The following MTMR7 variants were observed in gnomAD, a reference collection of about 807,000 sequenced individuals.
MTMR7 encodes myotubularin related protein 7.
MTMR7 carries 76 observed loss-of-function variants against 81.2 expected under a neutral mutation model. The ratio of observed to expected loss-of-function variants is 0.94; its 90% confidence interval spans 0.78 to 1.13. The LOEUF is 1.13. Among genes scored for constraint, MTMR7 ranks in the 50% most tolerant of loss-of-function variants. MTMR7 has a pLI of 0.00. For missense variants in MTMR7, 1,044 were observed against 820.0 expected (o/e 1.27, Z -3.34); for synonymous variants, 372 against 289.8 (o/e 1.28, Z -2.88).
chr8:17,362,286 T>C (rs534872468), intron 3 of MTMR7, among the ~76,000 whole-genome samples: 4 of 152,242 alleles, frequency 2.6e-5, no homozygotes, highest in South Asian at 4.1e-4. Context: ...AAATTTCACA[T>C]GTATTTGGCA....
At chr8:17,408,181 G>C (rs543544605) in intron 1 of MTMR7, among the ~76,000 whole-genome samples, 736 of 61,958 alleles carry the variant, frequency 0.012, 82 homozygotes, top group African/African-American at 0.022. Flanking sequence ...ACGAGGTCAG[G>C]AGATCGAGAC....
intron 1 of MTMR7, among the ~76,000 whole-genome samples, chr8:17,405,865 CA>C (rs1563383913): frequency 7.2e-5 from 7 of 97,858 alleles, no homozygotes; most frequent in African/African-American, 2.9e-4. Flanking sequence ...CACACACACA[CA>C]CACACACACA....
chr8:17,408,714 A>T (rs1221562499), intron 1 of MTMR7, among the ~76,000 whole-genome samples: 1 of 152,192 alleles, frequency 6.6e-6, no homozygotes, highest in East Asian at 1.9e-4. Context: ...AAAAAGAGTA[A>T]GAGATGAGCA....
chr8:17,356,000 A>G (rs765992630), intron 4 of MTMR7, among the ~76,000 whole-genome samples: 9 of 152,188 alleles, frequency 5.9e-5, no homozygotes, highest in Non-Finnish European at 8.8e-5. Context: ...AGGAACAACA[A>G]TGCTAAACTG....
chr8:17,354,376 G>C (rs535798045), intron 4 of MTMR7, among the ~76,000 whole-genome samples: 1 of 152,116 alleles, frequency 6.6e-6, no homozygotes, highest in East Asian at 1.9e-4. Context: ...AAGAGAGTTA[G>C]ATTAAAACTT....
At chr8:17,379,497 T>C (rs73208993) in intron 1 of MTMR7, among the ~76,000 whole-genome samples, 7,325 of 152,224 alleles carry the variant, frequency 0.048, 250 homozygotes, top group Non-Finnish European at 0.072. Flanking sequence ...TTAGGCCGGA[T>C]TGAGAAATAC....
intron 11 of MTMR7, among the ~76,000 whole-genome samples, chr8:17,305,328 CT>C (rs1244050673): frequency 6.6e-6 from 1 of 152,178 alleles, no homozygotes; most frequent in Admixed American, 6.5e-5. Context: ...AATTTATCTA[CT>C]TTTACCCTTG....
At chr8:17,306,993 T>A (rs1243015276) in intron 10 of MTMR7, among the ~76,000 whole-genome samples, 2 of 152,100 alleles carry the variant, frequency 1.3e-5, no homozygotes, top group African/African-American at 2.4e-5. Context: ...GGACTTCATG[T>A]CTAAAACACC....
intron 1 of MTMR7, among the ~76,000 whole-genome samples, chr8:17,387,527 T>C (rs1019520113): frequency 6.6e-6 from 1 of 152,172 alleles, no homozygotes; most frequent in African/African-American, 2.4e-5. Context: ...AGAAAGACAT[T>C]AAAAATGAAT....
At chr8:17,408,933 T>G (rs970790687) in intron 1 of MTMR7, among the ~76,000 whole-genome samples, 3 of 152,210 alleles carry the variant, frequency 2.0e-5, no homozygotes, top group African/African-American at 7.2e-5. Flanking sequence ...CTAAAACCAC[T>G]GAATTGTGCA....
intron 5 of MTMR7, among the ~76,000 whole-genome samples, chr8:17,342,329 T>A (rs553303847): frequency 1.3e-5 from 2 of 152,328 alleles, no homozygotes; most frequent in African/African-American, 4.8e-5. Flanking sequence ...CCTGAATGAC[T>A]CAAAGCATCT....
intron 3 of MTMR7, among the ~76,000 whole-genome samples, chr8:17,365,266 G>A (rs1820190536): frequency 6.6e-6 from 1 of 151,902 alleles, no homozygotes; most frequent in Admixed American, 6.6e-5. Context: ...CAGAGTACTT[G>A]TTTTTTTTCC....
intron 9 of MTMR7, among the ~76,000 whole-genome samples, chr8:17,310,751 C>T (rs948930730): frequency 1.3e-5 from 2 of 152,134 alleles, no homozygotes; most frequent in African/African-American, 4.8e-5. Flanking sequence ...TAATGGAGAC[C>T]CAGCAGTAAA....
rs146319076 is a variant in MTMR7, at chr8:17,299,970, G to C, written c.1875C>G (p.Ser625=). ...PDLSANSDQE[S]GVEDLSCRSP... The stretch of plus-strand genomic sequence containing the variant: ...ACCGACAGCTCAAATCCTCCACCCC[G>C]GACTCTTGGTCACTGTTGGCTGACA... The change falls in exon 14 of 14, where the codon TCC becomes TCG. Residue 625 remains serine (S), a synonymous_variant. Transcript: ENST00000180173. 1.2e-6 allele frequency: 2 copies of C among 1,614,000 alleles called. No homozygotes were observed. The highest frequency in any genetic ancestry group is 2.7e-5 in the African/African-American group (2 of 74,984).
In MTMR7 at chr8:17,370,959, C is replaced by G; in HGVS notation, c.310+78G>C. 2.8e-6 allele frequency: 4 copies of G among 1,438,476 alleles called. No homozygotes were observed. The South Asian group carries it at 5.1e-5, about 18-fold the overall frequency. 89.1% of individuals were successfully genotyped at this position (1,438,476 alleles called of 1,614,324 possible). A position where few individuals can be genotyped will look rare whatever the true frequency, so the allele number is the denominator to read the frequency against. ...TCCCTGAACCCCTATCATTCCTAAG[C>G]ACCATACAAATTCTTGAATCTGATT... is the stretch of plus-strand genomic sequence containing the variant. On this transcript the variant is annotated intron_variant, in intron 3 of 13. Transcript: ENST00000180173.
intron 7 of MTMR7, among the ~76,000 whole-genome samples, chr8:17,313,618 C>T (rs750768270): frequency 3.0e-4 from 46 of 152,150 alleles, no homozygotes; most frequent in Non-Finnish European, 5.7e-4. Context: ...ACAGGGAATG[C>T]TGCACTTGTT....
chr8:17,306,666 A>C (rs1472646491), intron 10 of MTMR7, among the ~76,000 whole-genome samples: 1 of 152,208 alleles, frequency 6.6e-6, no homozygotes, highest in South Asian at 2.1e-4. Flanking sequence ...AAATAACAAT[A>C]TAGAACCCCG....
intron 6 of MTMR7, among the ~76,000 whole-genome samples, chr8:17,339,982 G>A (rs552008190): frequency 2.9e-4 from 44 of 152,224 alleles, no homozygotes; most frequent in Non-Finnish European, 4.9e-4. Flanking sequence ...ATGGAGTTTC[G>A]CTCTTGTTGC....
intron 6 of MTMR7, among the ~76,000 whole-genome samples, chr8:17,332,980 G>A (rs1424315416): frequency 1.3e-5 from 2 of 152,054 alleles, no homozygotes; most frequent in Non-Finnish European, 2.9e-5. Context: ...CATTGATACC[G>A]AGAGCATATA....
Sources: allele counts gnomAD v4.1 joint callset (sites outside exome capture counted in the v4.1 genomes callset), GRCh38; gene constraint gnomAD v4.1.1; transcripts MANE v1.5; gene names NCBI Gene and HGNC (gene_info 2026-07-23, HGNC 2026-07-21).